Variants in ZNF804A observed in about 807,000 individuals in gnomAD.
The protein encoded by ZNF804A is zinc finger protein 804A.
ZNF804A carries 2 observed loss-of-function variants against 16.5 expected under a neutral mutation model. The observed-to-expected ratio is 0.12, with a 90% CI of 0.05 to 0.38. The LOEUF is 0.38. Among genes scored for constraint, ZNF804A ranks in the 10% least tolerant of loss-of-function variants. The pLI, the probability that ZNF804A is intolerant of heterozygous loss-of-function variation, is 0.99. For synonymous variants in ZNF804A, 534 were observed against 489.6 expected (o/e 1.09, Z -1.20); for missense variants, 1,473 against 1,390.7 (o/e 1.06, Z -0.94).
At position 184,843,366 on chromosome 2, in the gene ZNF804A, G is replaced by A. The variant is rs990273709; in HGVS notation, c.112-23003G>A. Among the ~76,000 whole-genome samples the A allele has an allele frequency of 9.2e-5, 14 of 152,074 alleles. No individual in the cohort carries two copies. The East Asian group carries it at 2.5e-3, about 27-fold the overall frequency. ...AAACCTCTGCCTCCTGAGTTCAAGC[G>A]ATTCTCCTGCCTCAGCCTCCTGAGT... On this transcript the variant is annotated intron_variant, in intron 1 of 3. Transcript: ENST00000302277.
chr2:184,699,649 A>T (rs751102590), intron 1 of ZNF804A, among the ~76,000 whole-genome samples: 2 of 152,114 alleles, frequency 1.3e-5, no homozygotes, highest in Non-Finnish European at 2.9e-5. Flanking sequence ...CATGATTGTC[A>T]TATAAAATAT....
chr2:184,771,262 T>G (rs1694207957), intron 1 of ZNF804A, among the ~76,000 whole-genome samples: 1 of 152,106 alleles, frequency 6.6e-6, no homozygotes, highest in Non-Finnish European at 1.5e-5. Flanking sequence ...AAGGTTGTAG[T>G]GCTTGAGAGG....
chr2:184,740,353 G>T (rs1370657084), intron 1 of ZNF804A, among the ~76,000 whole-genome samples: 1 of 152,144 alleles, frequency 6.6e-6, no homozygotes, highest in African/African-American at 2.4e-5. Context: ...TTTTCTAAGG[G>T]TGTTAAATAG....
chr2:184,734,918 C>A (rs953737940), intron 1 of ZNF804A, among the ~76,000 whole-genome samples: 4 of 152,118 alleles, frequency 2.6e-5, no homozygotes, highest in South Asian at 2.1e-4. Context: ...TATGCAATGT[C>A]TCCCTTATCT....
chr2:184,614,553 A>G (rs1486987190), intron 1 of ZNF804A, among the ~76,000 whole-genome samples: 2 of 152,220 alleles, frequency 1.3e-5, no homozygotes, highest in Non-Finnish European at 2.9e-5. Context: ...AAGAGCTAAT[A>G]TCCAGAATCT....
At chr2:184,619,662 T>C (rs922426130) in intron 1 of ZNF804A, among the ~76,000 whole-genome samples, 2 of 152,010 alleles carry the variant, frequency 1.3e-5, no homozygotes, top group Non-Finnish European at 2.9e-5. Flanking sequence ...CTCCATTTTA[T>C]GGATGAAAAA....
intron 1 of ZNF804A, among the ~76,000 whole-genome samples, chr2:184,696,510 G>A (rs1352325058): frequency 1.3e-5 from 2 of 152,116 alleles, no homozygotes; most frequent in African/African-American, 4.8e-5. Flanking sequence ...TAAAGGATGA[G>A]AGTTTCTGGG....
Position 184,726,808 on chromosome 2 carries a change from T to C in ZNF804A, c.111+127738T>C, listed in dbSNP as rs376164703. On this transcript the variant is annotated intron_variant, in intron 1 of 3. Transcript: ENST00000302277. ...ATAAATGCCTTAGGTCTTAGGAAAGTATATACCTTGTAACAGTTTTGATCT... is the reference window on the plus strand; with the variant it reads ...ATAAATGCCTTAGGTCTTAGGAAAGCATATACCTTGTAACAGTTTTGATCT... Among the ~76,000 whole-genome samples the C allele has an allele frequency of 1.5e-4, 22 of 151,634 alleles. No homozygotes were observed. The South Asian group carries it at 2.5e-3, about 17-fold the overall frequency.
Position 184,735,172 on chromosome 2 carries a change from TA to T in ZNF804A, c.112-131196del, listed in dbSNP as rs377288556. Among the ~76,000 whole-genome samples, 1,088 of 152,342 alleles carry T rather than the reference TA, an allele frequency of 7.1e-3. 10 individuals carry two copies. The highest frequency in any genetic ancestry group is 0.025 in the African/African-American group (1,043 of 41,582). ...TTGGTGTTTAAAATGATTATCTATA[TA>T]GTTGGATTTCTATCTACCACTTGGT... On this transcript the variant is annotated intron_variant, in intron 1 of 3. Transcript: ENST00000302277.
Position 184,937,659 on chromosome 2 carries a change from A to C in ZNF804A, c.2263A>C (p.Lys755Gln). 4 of 1,614,010 alleles carry C rather than the reference A, an allele frequency of 2.5e-6. No homozygotes were observed. Among genetic ancestry groups the C allele is most frequent in the Non-Finnish European group, 3.4e-6 (4 of 1,179,948 alleles). The change falls in exon 4 of 4, where the codon AAA becomes CAA. Residue 755 changes from lysine to glutamine, a missense_variant. Transcript: ENST00000302277. ...ACACATGAGTCAGAATCAGGCTGTT[A>C]AAAGAGGTTACAATTCTGTCATGAA... ...MKHMSQNQAV[K>Q]RGYNSVMNES...
At chr2:184,836,698 T>TA (rs35365017) in intron 1 of ZNF804A, among the ~76,000 whole-genome samples, 3,567 of 124,354 alleles carry the variant, frequency 0.029, 47 homozygotes, top group African/African-American at 0.041. Flanking sequence ...TATATATATA[T>TA]TTTTTTTTTA....
At chr2:184,627,227 CTTATT>C (rs1388170204) in intron 1 of ZNF804A, among the ~76,000 whole-genome samples, 1 of 151,832 alleles carries the variant, frequency 6.6e-6, no homozygotes, top group Non-Finnish European at 1.5e-5. Context: ...TCTATCTTGA[CTTATT>C]TTATTAGTAC....
intron 2 of ZNF804A, among the ~76,000 whole-genome samples, chr2:184,912,609 T>C (rs1290078946): frequency 1.3e-5 from 2 of 152,038 alleles, no homozygotes; most frequent in Admixed American, 1.3e-4. Flanking sequence ...CTTGCCAACA[T>C]GTATTATGTT....
At chr2:184,668,410 A>T (rs2105710705) in intron 1 of ZNF804A, among the ~76,000 whole-genome samples, 1 of 152,010 alleles carries the variant, frequency 6.6e-6, no homozygotes, top group East Asian at 1.9e-4. Context: ...ATAACCTGCT[A>T]ATTTTTTGAC....
At chr2:184,798,026 G>GTGTGTC (rs1246550814) in intron 1 of ZNF804A, among the ~76,000 whole-genome samples, 1 of 148,634 alleles carries the variant, frequency 6.7e-6, no homozygotes, top group Non-Finnish European at 1.5e-5. Context: ...GTGTGTGTGT[G>GTGTGTC]TGTGTGTGTG....
chr2:184,737,838 A>C (rs1259691510), intron 1 of ZNF804A, among the ~76,000 whole-genome samples: 1 of 152,128 alleles, frequency 6.6e-6, no homozygotes, highest in African/African-American at 2.4e-5. Flanking sequence ...AAAATATCAG[A>C]TCTGTCCAGG....
chr2:184,598,771 G>T lies in ZNF804A; in HGVS notation c.-189G>T. The T allele has an allele frequency of 2.7e-6, 1 of 376,612 alleles. No homozygotes were observed. Among genetic ancestry groups the T allele is most frequent in the Non-Finnish European group, 4.7e-6 (1 of 214,276 alleles). 23.3% of individuals were successfully genotyped at this position (376,612 alleles called of 1,614,324 possible). On this transcript the variant is annotated 5_prime_UTR_variant, in exon 1 of 4. Coordinates refer to ENST00000302277, the MANE Select transcript of ZNF804A (RefSeq NM_194250.2). ...TGAGGGGAGAGCGCGGCGAGCATGC[G>T]GAGGCGGGGGAGCCTCGGCGCTCAC...
At chr2:184,837,531 AC>A (rs1558977589) in intron 1 of ZNF804A, among the ~76,000 whole-genome samples, 1 of 152,136 alleles carries the variant, frequency 6.6e-6, no homozygotes, top group Non-Finnish European at 1.5e-5. Flanking sequence ...CACTTATGGC[AC>A]ATACTGATAG....
intron 1 of ZNF804A, among the ~76,000 whole-genome samples, chr2:184,685,765 G>A (rs1365275290): frequency 6.6e-6 from 1 of 152,144 alleles, no homozygotes; most frequent in Non-Finnish European, 1.5e-5. Context: ...CAGGCAGCCC[G>A]CTTCAGGCCC....
Sources: allele counts gnomAD v4.1 joint callset (sites outside exome capture counted in the v4.1 genomes callset), GRCh38; gene constraint gnomAD v4.1.1; transcripts MANE v1.5; gene names NCBI Gene and HGNC (gene_info 2026-07-23, HGNC 2026-07-21).